Variants in THRB observed in about 807,000 individuals in gnomAD.
THRB encodes the protein nuclear receptor subfamily 1 group A member 2.
A neutral mutation model predicts 47.8 loss-of-function variants in THRB; 12 were observed. The ratio of observed to expected loss-of-function variants is 0.25; its 90% confidence interval spans 0.16 to 0.41. THRB has a LOEUF of 0.41. THRB is among the 10% of genes least tolerant of loss of function. The pLI is 1.00. For missense variants in THRB, 348 were observed against 589.2 expected (o/e 0.59, Z 4.24); for synonymous variants, 218 against 212.2 (o/e 1.03, Z -0.24).
At chr3:24,215,769 A>G (rs1448845095) in intron 4 of THRB, among the ~76,000 whole-genome samples, 2 of 152,306 alleles carry the variant, frequency 1.3e-5, no homozygotes, top group Middle Eastern at 3.4e-3. Context: ...GAATGAAAGC[A>G]TTGGGCACTA....
intron 1 of THRB, among the ~76,000 whole-genome samples, chr3:24,491,932 G>A (rs966525727): frequency 2.6e-5 from 4 of 152,206 alleles, no homozygotes; most frequent in Admixed American, 2.6e-4. Flanking sequence ...GGAGGAACTC[G>A]CAGAAATAGC....
chr3:24,456,132 C>T (rs1182172440), intron 1 of THRB, among the ~76,000 whole-genome samples: 1 of 151,896 alleles, frequency 6.6e-6, no homozygotes, highest in Non-Finnish European at 1.5e-5. Context: ...AGTTTGAGAC[C>T]AGCCTGGGCA....
chr3:24,313,431 C>T (rs534726740), intron 2 of THRB, among the ~76,000 whole-genome samples: 4 of 152,228 alleles, frequency 2.6e-5, no homozygotes, highest in African/African-American at 9.6e-5. Flanking sequence ...CTTGAAGCTG[C>T]TAAGAATATC....
At chr3:24,442,533 A>G (rs1185779878) in intron 1 of THRB, among the ~76,000 whole-genome samples, 1 of 152,234 alleles carries the variant, frequency 6.6e-6, no homozygotes, top group Non-Finnish European at 1.5e-5. Flanking sequence ...ATATTTTAAA[A>G]CTAAGGTCTA....
chr3:24,220,692 T>C (rs1242806114), intron 4 of THRB, among the ~76,000 whole-genome samples: 2 of 152,062 alleles, frequency 1.3e-5, no homozygotes, highest in African/African-American at 2.4e-5. Context: ...GCTGAGATTT[T>C]ATTAATTTGG....
chr3:24,411,498 A>G (rs535224941), intron 1 of THRB, among the ~76,000 whole-genome samples: 5 of 151,892 alleles, frequency 3.3e-5, no homozygotes, highest in East Asian at 2.0e-4. Flanking sequence ...TGTGAGCCCA[A>G]TGATAGTGGA....
intron 2 of THRB, among the ~76,000 whole-genome samples, chr3:24,313,076 G>A (rs1232823990): frequency 6.6e-6 from 1 of 152,094 alleles, no homozygotes. Context: ...GAGGAAGCAA[G>A]TATGATTTCT....
intron 1 of THRB, among the ~76,000 whole-genome samples, chr3:24,358,365 C>G (rs917194201): frequency 2.0e-5 from 3 of 151,808 alleles, no homozygotes; most frequent in Non-Finnish European, 4.4e-5. Context: ...CTTAGGCACT[C>G]CAGAGTTATT....
chr3:24,402,710 A>G (rs964163364), intron 1 of THRB, among the ~76,000 whole-genome samples: 5 of 151,998 alleles, frequency 3.3e-5, no homozygotes, highest in East Asian at 1.9e-4. Context: ...TTAAACATCT[A>G]GAAGCTGTTA....
intron 4 of THRB, among the ~76,000 whole-genome samples, chr3:24,226,316 G>C (rs1242226483): frequency 6.6e-6 from 1 of 152,036 alleles, no homozygotes; most frequent in African/African-American, 2.4e-5. Flanking sequence ...TCTTCCTTTG[G>C]GTTTCTTAAA....
intron 1 of THRB, among the ~76,000 whole-genome samples, chr3:24,491,243 A>G (rs1278557381): frequency 6.6e-6 from 1 of 152,080 alleles, no homozygotes; most frequent in Non-Finnish European, 1.5e-5. Flanking sequence ...TTCCCCTCCC[A>G]TTTTTAACAG....
chr3:24,337,297 G>A lies in THRB; in HGVS notation c.-189+3C>T, dbSNP rs949106535. On this transcript the variant is annotated splice_donor_region_variant and intron_variant, in intron 2 of 10. Coordinates refer to ENST00000646209, the MANE Select transcript of THRB (RefSeq NM_001354712.2). ...TCTGCAAATAGTCAAGCTGACATCT[G>A]ACCTTCTTATTCATTAAATCATGTG... is the stretch of plus-strand genomic sequence containing the variant. 1 of 152,116 alleles carries A rather than the reference G, an allele frequency of 6.6e-6. No homozygotes were observed. Among genetic ancestry groups the A allele is most frequent in the African/African-American group, 2.4e-5 (1 of 41,412 alleles). 9.4% of individuals were successfully genotyped at this position (152,116 alleles called of 1,614,324 possible).
chr3:24,270,893 T>C (rs534712317), intron 3 of THRB, among the ~76,000 whole-genome samples: 9 of 152,364 alleles, frequency 5.9e-5, no homozygotes, highest in Non-Finnish European at 1.0e-4. Flanking sequence ...CAGAAATGTT[T>C]AGGATTCTAC....
chr3:24,248,170 C>T (rs1208946457), intron 3 of THRB, among the ~76,000 whole-genome samples: 2 of 151,976 alleles, frequency 1.3e-5, no homozygotes. Flanking sequence ...ACTTTGAGGT[C>T]AAATTCATAA....
At chr3:24,346,538 T>A (rs949169032) in intron 1 of THRB, among the ~76,000 whole-genome samples, 2 of 152,022 alleles carry the variant, frequency 1.3e-5, no homozygotes, top group Admixed American at 1.3e-4. Context: ...TATTATTTTT[T>A]AAATCCCAGT....
chr3:24,289,556 G>A (rs2055707579), intron 3 of THRB, among the ~76,000 whole-genome samples: 1 of 152,076 alleles, frequency 6.6e-6, no homozygotes, highest in African/African-American at 2.4e-5. Flanking sequence ...GAGTTGAGGA[G>A]GGAGGGACCA....
At chr3:24,437,371 C>A (rs1043741135) in intron 1 of THRB, among the ~76,000 whole-genome samples, 9 of 151,806 alleles carry the variant, frequency 5.9e-5, no homozygotes, top group African/African-American at 2.2e-4. Context: ...TGGTGGTTCC[C>A]AGAGGCTGAG....
intron 4 of THRB, among the ~76,000 whole-genome samples, chr3:24,205,529 G>C (rs868310724): frequency 0.011 from 1,633 of 152,226 alleles, 30 homozygotes; most frequent in African/African-American, 0.037. Flanking sequence ...ACAACCAGTA[G>C]CAGCCACTGC....
At chr3:24,213,201 T>C (rs1428300420) in intron 4 of THRB, among the ~76,000 whole-genome samples, 1 of 152,182 alleles carries the variant, frequency 6.6e-6, no homozygotes, top group Non-Finnish European at 1.5e-5. Context: ...CTGTCCCAGG[T>C]CCAGGAGCCT....
Sources: gnomAD v4.1 joint callset for allele counts (sites outside exome capture counted in the v4.1 genomes callset) on GRCh38, gnomAD v4.1.1 for gene constraint, MANE v1.5 for transcripts, NCBI Gene and HGNC (gene_info 2026-07-23, HGNC 2026-07-21) for gene names.